The following SUMF1 variants were observed in gnomAD, a reference collection of about 807,000 sequenced individuals.
SUMF1 encodes the protein sulfatase modifying factor 1, also known as formylglycine-generating enzyme.
A neutral mutation model predicts 47.6 loss-of-function variants in SUMF1; 48 were observed. The ratio of observed to expected loss-of-function variants is 1.01; its 90% confidence interval spans 0.80 to 1.28. The LOEUF (loss-of-function observed/expected upper bound fraction) is 1.28, where lower values mean the gene tolerates loss of function less well. Ranked by LOEUF, SUMF1 falls within the 50% of genes most tolerant of loss-of-function variation. The probability of loss-of-function intolerance (pLI) is 0.00; values close to 1 mark genes in which losing one functional copy is unlikely to be tolerated. For missense variants in SUMF1, 571 were observed against 485.4 expected, an observed-to-expected ratio of 1.18 and a Z score of -1.66; for synonymous variants, 230 against 192.1, an observed-to-expected ratio of 1.20 and a Z score of -1.63.
chr3:4,350,309 AC>A (rs1699468897), intron 8 of SUMF1, among the ~76,000 whole-genome samples: 1 of 150,574 alleles, frequency 6.6e-6, no homozygotes, highest in South Asian at 2.1e-4. Context: ...GGCTTGAGCC[AC>A]CACTTTCTGT....
intron 8 of SUMF1, among the ~76,000 whole-genome samples, chr3:4,167,202 C>T (rs756295135): frequency 1.9e-4 from 29 of 151,996 alleles, no homozygotes; most frequent in African/African-American, 6.3e-4. Context: ...AGTGAGCAGC[C>T]GCAAGATTTA....
intron 8 of SUMF1, among the ~76,000 whole-genome samples, chr3:4,220,604 GGAT>G (rs1047495480): frequency 6.6e-6 from 1 of 151,854 alleles, no homozygotes; most frequent in African/African-American, 2.4e-5. Flanking sequence ...AAGTGTTCTT[GGAT>G]GATGTTTTAG....
At chr3:4,091,898 A>AC (rs1366816331) in intron 8 of SUMF1, among the ~76,000 whole-genome samples, 1 of 151,764 alleles carries the variant, frequency 6.6e-6, no homozygotes, top group Non-Finnish European at 1.5e-5. Flanking sequence ...AAAAAAAAAA[A>AC]AAACCATCTT....
In SUMF1 at chr3:4,366,644, CT is replaced by C. The variant is rs1699969379; in HGVS notation, c.1015-4391del. ...AAATTTTTTTCAAAGTTTTTAACTT[CT>C]TTGCCTTTGGTTTGAATTTCCTCCT... On this transcript the variant is annotated intron_variant, in intron 8 of 8. Coordinates refer to ENST00000272902, the MANE Select transcript of SUMF1 (RefSeq NM_182760.4). 2.0e-5 allele frequency among the ~76,000 whole-genome samples: 3 copies of C among 151,974 alleles called. No homozygotes were observed. The South Asian group carries it at 6.2e-4, about 32-fold the overall frequency.
chr3:4,090,989 G>C (rs1692773154), intron 8 of SUMF1, among the ~76,000 whole-genome samples: 2 of 151,886 alleles, frequency 1.3e-5, no homozygotes, highest in South Asian at 4.2e-4. Flanking sequence ...GCTGAGGCAG[G>C]AGAATCGCTT....
intron 8 of SUMF1, among the ~76,000 whole-genome samples, chr3:4,115,500 G>A (rs1455566569): frequency 6.6e-6 from 1 of 151,954 alleles, no homozygotes; most frequent in African/African-American, 2.4e-5. Flanking sequence ...CTGGGGCTTC[G>A]GGAGCTGTAG....
chr3:4,174,195 A>G lies in SUMF1; in HGVS notation c.1015-105450T>C, dbSNP rs1206680663. 6.2e-4 allele frequency among the ~76,000 whole-genome samples: 94 copies of G among 151,918 alleles called. 1 individual carries two copies. The highest frequency in any genetic ancestry group is 5.9e-5 in the Non-Finnish European group (4 of 67,910). ...CATGGTGAAACCCCGTCTCTACTAA[A>G]AATACAAAAAATTAGCCAGGCATGG... On this transcript the variant is annotated intron_variant and NMD_transcript_variant, in intron 8 of 12. Transcript: ENST00000448413.
At chr3:4,206,463 T>A (rs957174816) in intron 8 of SUMF1, among the ~76,000 whole-genome samples, 1 of 152,164 alleles carries the variant, frequency 6.6e-6, no homozygotes, top group African/African-American at 2.4e-5. Flanking sequence ...AGGTGAATTC[T>A]GCCCTTCACT....
At chr3:4,274,682 C>T (rs1205271749) in intron 8 of SUMF1, among the ~76,000 whole-genome samples, 1 of 152,074 alleles carries the variant, frequency 6.6e-6, no homozygotes, top group Non-Finnish European at 1.5e-5. Context: ...TGTAAAACAT[C>T]CTGGGAAGAA....
chr3:4,349,323 A>G (rs1418949424), intron 8 of SUMF1, among the ~76,000 whole-genome samples: 1 of 152,232 alleles, frequency 6.6e-6, no homozygotes, highest in Non-Finnish European at 1.5e-5. Context: ...TTATTAAAAA[A>G]TCAAGAAACA....
At chr3:4,067,559 A>G (rs949673367) in intron 9 of SUMF1, among the ~76,000 whole-genome samples, 3 of 152,204 alleles carry the variant, frequency 2.0e-5, no homozygotes, top group Non-Finnish European at 4.4e-5. Flanking sequence ...TGGGACAGAT[A>G]AGGCATTCTG....
At chr3:4,264,493 G>C (rs576412412) in intron 8 of SUMF1, among the ~76,000 whole-genome samples, 2 of 152,268 alleles carry the variant, frequency 1.3e-5, no homozygotes, top group African/African-American at 4.8e-5. Flanking sequence ...GTAATTCTCA[G>C]CATCAGAACA....
chr3:4,188,902 TAC>T (rs1426054384), intron 8 of SUMF1, among the ~76,000 whole-genome samples: 3 of 152,190 alleles, frequency 2.0e-5, no homozygotes, highest in African/African-American at 7.2e-5. Flanking sequence ...CTACAATTAA[TAC>T]ATGTTATATG....
At chr3:4,227,604 T>C (rs899437968) in intron 8 of SUMF1, among the ~76,000 whole-genome samples, 1 of 152,106 alleles carries the variant, frequency 6.6e-6, no homozygotes, top group East Asian at 1.9e-4. Flanking sequence ...CTCTCCCTAA[T>C]CCAGGCCTAG....
chr3:4,253,732 A>T (rs1450718386), intron 8 of SUMF1, among the ~76,000 whole-genome samples: 15 of 146,676 alleles, frequency 1.0e-4, no homozygotes, highest in South Asian at 2.3e-4. Context: ...CAAAGCAGCC[A>T]GGAAGCTCGA....
chr3:4,079,576 G>A (rs879733016), intron 8 of SUMF1, among the ~76,000 whole-genome samples: 48 of 151,736 alleles, frequency 3.2e-4, no homozygotes, highest in Non-Finnish European at 8.8e-5. Context: ...GCTTAAGTTT[G>A]CACTAAATCT....
chr3:4,049,566 G>C (rs1358986496), intron 9 of SUMF1, among the ~76,000 whole-genome samples: 1 of 152,136 alleles, frequency 6.6e-6, no homozygotes, highest in Admixed American at 6.5e-5. Flanking sequence ...CCTTATGTGA[G>C]GGGAGCATGC....
rs964085540 is a variant in SUMF1, at chr3:4,299,969, A to G, written c.1014+76361T>C. ...AACTCTTACATTTTGATTCTTTTCT[A>G]CATAGAATCAATTCCCTATTGATAT... On this transcript the variant is annotated intron_variant and NMD_transcript_variant, in intron 8 of 12. Transcript: ENST00000448413. Among the ~76,000 whole-genome samples, 5 of 152,330 alleles carry G rather than the reference A, an allele frequency of 3.3e-5. No individual in the cohort carries two copies. In the East Asian group the frequency reaches 9.6e-4, roughly 29 times the overall value.
chr3:4,181,796 C>T lies in SUMF1; in HGVS notation c.1015-113051G>A, dbSNP rs796384222. On this transcript the variant is annotated intron_variant and NMD_transcript_variant, in intron 8 of 12. Transcript: ENST00000448413. The stretch of plus-strand genomic sequence containing the variant: ...AACCCAGGACCACAGAATTCTCTGG[C>T]TGTGCAGGCTGACGTATGTATCACA... Among the ~76,000 whole-genome samples, 3 of 152,158 alleles carry T rather than the reference C, an allele frequency of 2.0e-5. No individual in the cohort carries two copies. In the East Asian group the frequency reaches 5.8e-4, roughly 29 times the overall value.
Sources: allele counts gnomAD v4.1 joint callset (sites outside exome capture counted in the v4.1 genomes callset), GRCh38; gene constraint gnomAD v4.1.1; transcripts MANE v1.5; gene names NCBI Gene and HGNC (gene_info 2026-07-23, HGNC 2026-07-21).